Variants in SLC8A1 observed in about 807,000 individuals in gnomAD.
The protein encoded by SLC8A1 is sodium/calcium exchanger 1.
Under a neutral mutation model 68.3 loss-of-function variants are expected in SLC8A1, and 18 were observed. The observed-to-expected ratio is 0.26, with a 90% CI of 0.18 to 0.39. The LOEUF (loss-of-function observed/expected upper bound fraction) is 0.39, where lower values mean the gene tolerates loss of function less well. Ranked by LOEUF, SLC8A1 falls within the 10% of genes least tolerant of loss-of-function variation. SLC8A1 has a pLI of 1.00. For missense variants in SLC8A1, 985 were observed against 1,156.7 expected, an observed-to-expected ratio of 0.85 and a Z score of 2.15; for synonymous variants, 475 against 415.5, an observed-to-expected ratio of 1.14 and a Z score of -1.74.
At chr2:40,242,266 A>G (rs2061326468) in intron 2 of SLC8A1, among the ~76,000 whole-genome samples, 1 of 152,222 alleles carries the variant, frequency 6.6e-6, no homozygotes, top group Admixed American at 6.5e-5. Flanking sequence ...ATGTTTAAGT[A>G]AAGCCTGTTT....
intron 2 of SLC8A1, among the ~76,000 whole-genome samples, chr2:40,253,335 T>C (rs1356422550): frequency 6.6e-6 from 1 of 151,386 alleles, no homozygotes; most frequent in African/African-American, 2.4e-5. Flanking sequence ...TATATGTGTA[T>C]ATATATACAC....
intron 2 of SLC8A1, among the ~76,000 whole-genome samples, chr2:40,295,233 G>A (rs1301511591): frequency 2.6e-5 from 4 of 151,928 alleles, no homozygotes; most frequent in African/African-American, 4.8e-5. Flanking sequence ...TGGAGTAGCT[G>A]GGACTACAGG....
intron 2 of SLC8A1, among the ~76,000 whole-genome samples, chr2:40,344,099 G>T (rs923743018): frequency 6.6e-6 from 1 of 152,106 alleles, no homozygotes; most frequent in African/African-American, 2.4e-5. Flanking sequence ...AGCTTCCAGG[G>T]AAAATAAGTG....
intron 2 of SLC8A1, among the ~76,000 whole-genome samples, chr2:40,399,727 T>C (rs547988877): frequency 6.6e-6 from 1 of 152,196 alleles, no homozygotes; most frequent in South Asian, 2.1e-4. Flanking sequence ...CACTGATGAA[T>C]AAGTGAAACC....
At chr2:40,159,747 A>C (rs557722582) in intron 6 of SLC8A1, among the ~76,000 whole-genome samples, 11 of 152,278 alleles carry the variant, frequency 7.2e-5, no homozygotes, top group African/African-American at 2.2e-4. Flanking sequence ...TATATATTCA[A>C]TTGCAAAAAA....
chr2:40,407,655 G>T (rs1690793304), intron 2 of SLC8A1, among the ~76,000 whole-genome samples: 1 of 152,138 alleles, frequency 6.6e-6, no homozygotes, highest in Non-Finnish European at 1.5e-5. Flanking sequence ...CATTTTGATT[G>T]CTGTGCTGCA....
intron 1 of SLC8A1, among the ~76,000 whole-genome samples, chr2:40,487,616 G>T (rs13014062): frequency 0.11 from 17,297 of 152,084 alleles, 1,681 homozygotes; most frequent in East Asian, 0.34. Flanking sequence ...GAAAAATAGT[G>T]AATTCCTACT....
At chr2:40,475,006 G>A (rs1332812684) in intron 1 of SLC8A1, among the ~76,000 whole-genome samples, 1 of 152,170 alleles carries the variant, frequency 6.6e-6, no homozygotes, top group African/African-American at 2.4e-5. Flanking sequence ...TTACTAATAT[G>A]TCTTCATTGT....
At chr2:40,116,084 G>A (rs190238261) in intron 7 of SLC8A1, among the ~76,000 whole-genome samples, 5 of 152,192 alleles carry the variant, frequency 3.3e-5, no homozygotes, top group East Asian at 3.9e-4. Context: ...CTAAAGTTTC[G>A]GAACAGCTGC....
intron 6 of SLC8A1, among the ~76,000 whole-genome samples, chr2:40,143,988 C>T (rs2148321344): frequency 6.6e-6 from 1 of 152,298 alleles, no homozygotes; most frequent in Non-Finnish European, 1.5e-5. Flanking sequence ...AATGAGTTTC[C>T]TAACTCCCAT....
At chr2:40,313,938 GAT>G (rs1312307078) in intron 2 of SLC8A1, among the ~76,000 whole-genome samples, 4 of 151,860 alleles carry the variant, frequency 2.6e-5, no homozygotes, top group African/African-American at 9.7e-5. Flanking sequence ...TATTTTGTTA[GAT>G]ATACTATTTG....
intron 1 of SLC8A1, among the ~76,000 whole-genome samples, chr2:40,458,253 C>T (rs981383451): frequency 6.6e-6 from 1 of 152,142 alleles, no homozygotes; most frequent in Non-Finnish European, 1.5e-5. Flanking sequence ...AGAGGACTTA[C>T]AAACGTTTAA....
chr2:40,267,471 G>A (rs1016690616), intron 2 of SLC8A1, among the ~76,000 whole-genome samples: 1 of 152,152 alleles, frequency 6.6e-6, no homozygotes, highest in African/African-American at 2.4e-5. Context: ...CTCTAAGAAT[G>A]ACAGTCCTGG....
At chr2:40,379,287 A>C (rs1349332964) in intron 2 of SLC8A1, among the ~76,000 whole-genome samples, 1 of 152,150 alleles carries the variant, frequency 6.6e-6, no homozygotes, top group Non-Finnish European at 1.5e-5. Flanking sequence ...TCCATGGACC[A>C]CACTTTGAAA....
chr2:40,494,517 C>T (rs1017324805), intron 1 of SLC8A1, among the ~76,000 whole-genome samples: 1 of 151,002 alleles, frequency 6.6e-6, no homozygotes, highest in Non-Finnish European at 1.5e-5. Context: ...GGGTATATAC[C>T]CAGTAATGGG....
chr2:40,258,751 A>G (rs2064285627), intron 2 of SLC8A1, among the ~76,000 whole-genome samples: 1 of 152,100 alleles, frequency 6.6e-6, no homozygotes, highest in Non-Finnish European at 1.5e-5. Context: ...ATGACGCAGG[A>G]GAATCACTTG....
At chr2:40,115,714 G>T in intron 7 of SLC8A1, 85 bp from the exon 11 acceptor site, 1 of 1,504,198 alleles carries the variant, frequency 6.6e-7, no homozygotes, top group Non-Finnish European at 8.9e-7. Context: ...GTGTACTCTA[G>T]GACCCAACCC....
chr2:40,507,285 G>A (rs551027511), intron 1 of SLC8A1, among the ~76,000 whole-genome samples: 3 of 152,012 alleles, frequency 2.0e-5, no homozygotes, highest in Non-Finnish European at 2.9e-5. Context: ...TACGTTGATC[G>A]AAACATGATT....
Position 40,119,369 on chromosome 2 carries a change from C to A in SLC8A1, c.2438-3740G>T, listed in dbSNP as rs577008799. Among the ~76,000 whole-genome samples, 4 of 152,134 alleles carry A rather than the reference C, an allele frequency of 2.6e-5. No homozygotes were observed. The East Asian group carries it at 7.7e-4, about 29-fold the overall frequency. The stretch of plus-strand genomic sequence containing the variant: ...AAAAATTGCAGGAACACACGCAAAT[C>A]CAAACCACTAACCTTAGCTCCAACA... On this transcript the variant is annotated intron_variant, in intron 7 of 7. Transcript: ENST00000406785.
Sources: allele counts gnomAD v4.1 joint callset (sites outside exome capture counted in the v4.1 genomes callset), GRCh38; gene constraint gnomAD v4.1.1; transcripts MANE v1.5; gene names NCBI Gene and HGNC (gene_info 2026-07-23, HGNC 2026-07-21).